The following DTNA variants were observed in gnomAD, a reference collection of about 807,000 sequenced individuals.
The protein encoded by DTNA is dystrophin-related protein 3.
In DTNA, 43 loss-of-function variants were observed where a neutral mutation model predicts 100.7. The observed-to-expected ratio is 0.43, with a 90% CI of 0.33 to 0.55. The LOEUF (loss-of-function observed/expected upper bound fraction) is 0.55, where lower values mean the gene tolerates loss of function less well. DTNA is among the 20% of genes least tolerant of loss of function. The pLI is 0.04. For missense variants in DTNA, 798 were observed against 953.9 expected (o/e 0.84, Z 2.15); for synonymous variants, 349 against 347.9 (o/e 1.00, Z -0.04).
At chr18:34,749,645 A>G (rs2092099882) in intron 1 of DTNA, among the ~76,000 whole-genome samples, 1 of 20,258 alleles carries the variant, frequency 4.9e-5, no homozygotes, top group Non-Finnish European at 1.1e-4. Flanking sequence ...TCTCCAAAAA[A>G]TAATAATAAT....
chr18:34,550,342 G>C (rs536258931), intron 1 of DTNA, among the ~76,000 whole-genome samples: 56 of 152,186 alleles, frequency 3.7e-4, no homozygotes, highest in African/African-American at 1.3e-3. Context: ...GCATGGAGTG[G>C]TTGATTGATT....
intron 1 of DTNA, among the ~76,000 whole-genome samples, chr18:34,608,225 A>G (rs2053525579): frequency 6.6e-6 from 1 of 152,226 alleles, no homozygotes; most frequent in Admixed American, 6.5e-5. Context: ...GCCCAAGCCT[A>G]CATAAAGATA....
intron 10 of DTNA, 131 bp downstream of exon 10, chr18:34,827,807 T>C: frequency 1.1e-6 from 1 of 946,110 alleles, no homozygotes. Context: ...AAATATCCAT[T>C]ATAAGTTTTC....
At chr18:34,769,375 T>G (rs1229056984) in intron 3 of DTNA, among the ~76,000 whole-genome samples, 1 of 152,154 alleles carries the variant, frequency 6.6e-6, no homozygotes, top group Non-Finnish European at 1.5e-5. Context: ...ATTGAATATA[T>G]TCGCTGATTA....
In DTNA at chr18:34,882,094, G is replaced by T. The variant is rs780757134; in HGVS notation, c.2188G>T (p.Val730Leu). The change falls in exon 21 of 23, where the codon GTG becomes TTG. Residue 730 changes from valine to leucine, a missense_variant. Physicochemically the swap from Val to Leu is conservative, Grantham distance 32. This residue lies in a region of DTNA where 242 missense variants were observed against 238.2 expected (regional missense o/e 1.02). Coordinates refer to ENST00000444659, the MANE Select transcript of DTNA (RefSeq NM_001386795.1). Reference sequence around the variant, plus strand: ...GGTTACGGAGGATGCAGATCCCTATGTGCAGCCTGAAGATGAAAACTATGA... The same window carrying T: ...GGTTACGGAGGATGCAGATCCCTATTTGCAGCCTGAAGATGAAAACTATGA... The part of the protein sequence containing the change: ...DMVTEDADPY[V>L]QPEDENYEND... The T allele has an allele frequency of 6.2e-7, 1 of 1,614,106 alleles. No individual in the cohort carries two copies. Among genetic ancestry groups the T allele is most frequent in the South Asian group, 1.1e-5 (1 of 91,084 alleles).
intron 1 of DTNA, among the ~76,000 whole-genome samples, chr18:34,594,550 C>T (rs1286034457): frequency 6.6e-6 from 1 of 152,146 alleles, no homozygotes; most frequent in Non-Finnish European, 1.5e-5. Flanking sequence ...AGTTTTTTGT[C>T]TTGTCAAATA....
intron 1 of DTNA, among the ~76,000 whole-genome samples, chr18:34,746,660 T>C (rs2091634520): frequency 6.6e-6 from 1 of 152,176 alleles, no homozygotes; most frequent in Non-Finnish European, 1.5e-5. Context: ...GAGGTCCTTT[T>C]GATCAAGCTC....
At chr18:34,572,906 C>A (rs371473183) in intron 1 of DTNA, among the ~76,000 whole-genome samples, 2 of 152,264 alleles carry the variant, frequency 1.3e-5, no homozygotes, top group East Asian at 3.9e-4. Context: ...GATATAAGAT[C>A]AAATTTATGT....
At chr18:34,528,326 T>C (rs190656399) in intron 1 of DTNA, among the ~76,000 whole-genome samples, 147 of 152,180 alleles carry the variant, frequency 9.7e-4, no homozygotes, top group African/African-American at 3.4e-3. Context: ...AATTCTAGAA[T>C]TGTCACCTCA....
Position 34,533,450 on chromosome 18 carries a change from A to G in DTNA, c.-2+39936A>G, listed in dbSNP as rs529610174. ...ATGGCCCCAGTGTCTGATGTCTTCT[A>G]CACTGGTTCAGTATCAGCAAGTAAC... On this transcript the variant is annotated intron_variant, in intron 1 of 19. Transcript: ENST00000283365. 1.5e-4 allele frequency among the ~76,000 whole-genome samples: 23 copies of G among 151,964 alleles called. No individual in the cohort carries two copies. In the South Asian group the frequency reaches 4.8e-3, roughly 32 times the overall value.
chr18:34,776,489 TTG>T (rs2094056812), intron 3 of DTNA, among the ~76,000 whole-genome samples: 2 of 152,110 alleles, frequency 1.3e-5, no homozygotes, highest in Non-Finnish European at 2.9e-5. Context: ...CTACAGGCAC[TTG>T]CCACCACACC....
chr18:34,556,727 T>A (rs2046097740), intron 1 of DTNA, among the ~76,000 whole-genome samples: 1 of 152,116 alleles, frequency 6.6e-6, no homozygotes, highest in Non-Finnish European at 1.5e-5. Context: ...GTAGGGTTTC[T>A]GCCGAGAGAT....
chr18:34,864,706 GATTAA>G (rs1369779295), intron 17 of DTNA, among the ~76,000 whole-genome samples: 1 of 152,162 alleles, frequency 6.6e-6, no homozygotes, highest in Non-Finnish European at 1.5e-5. Context: ...CAGCAATTCT[GATTAA>G]ATTAAGAGGA....
intron 17 of DTNA, chr18:34,868,484 G>A: frequency 1.0e-6 from 1 of 985,334 alleles, no homozygotes; most frequent in African/African-American, 1.7e-5. Context: ...GTTTTAGACT[G>A]GCATCTGCTT....
chr18:34,605,633 G>GCACACACA lies in DTNA; in HGVS notation c.-2+112152_-2+112159dup, dbSNP rs3078088. Among the ~76,000 whole-genome samples the GCACACACA allele has an allele frequency of 2.8e-3, 398 of 142,322 alleles. 1 individual carries two copies. The highest frequency in any genetic ancestry group is 9.1e-3 in the African/African-American group (350 of 38,384). 93.4% of individuals were successfully genotyped at this position (142,322 alleles called of 152,430 possible). On this transcript the variant is annotated intron_variant, in intron 1 of 19. Transcript: ENST00000283365. ...GCAAACCATCAAAATTGCAACTCAG[G>GCACACACA]CACACACACACACACACACACACAC...
chr18:34,670,050 A>G (rs1204975338), intron 1 of DTNA, among the ~76,000 whole-genome samples: 1 of 152,094 alleles, frequency 6.6e-6, no homozygotes. Flanking sequence ...TCTCCCCATC[A>G]CTTTCAGGTA....
chr18:34,743,513 A>T (rs1026806), intron 1 of DTNA, among the ~76,000 whole-genome samples: 16,655 of 152,166 alleles, frequency 0.11, 1,296 homozygotes, highest in African/African-American at 0.21. Flanking sequence ...TAATATTACT[A>T]AATTTAATAT....
chr18:34,789,705 CAGTT>C (rs1206234316), intron 3 of DTNA, among the ~76,000 whole-genome samples: 3 of 152,182 alleles, frequency 2.0e-5, no homozygotes, highest in Non-Finnish European at 2.9e-5. Flanking sequence ...TCTATTCTCA[CAGTT>C]AGCCAGAATT....
At chr18:34,796,936 C>T (rs564335821) in intron 4 of DTNA, among the ~76,000 whole-genome samples, 15 of 152,230 alleles carry the variant, frequency 9.9e-5, no homozygotes, top group African/African-American at 3.1e-4. Flanking sequence ...CATTCCCTCT[C>T]CCACCAAAAA....
Sources: gnomAD v4.1 joint callset for allele counts (sites outside exome capture counted in the v4.1 genomes callset) on GRCh38, gnomAD v4.1.1 for gene constraint, gnomAD v4.1.1 regional missense constraint, MANE v1.5 for transcripts, NCBI Gene and HGNC (gene_info 2026-07-23, HGNC 2026-07-21) for gene names.